SPON2: variants seen among roughly 807,000 people sequenced by gnomAD.
SPON2 encodes spondin-2.
Under a neutral mutation model 29.9 loss-of-function variants are expected in SPON2, and 32 were observed. The ratio of observed to expected loss-of-function variants is 1.07; its 90% CI spans 0.81 to 1.44. SPON2 has a LOEUF of 1.44. SPON2 is among the 40% of genes most tolerant of loss of function. SPON2 has a pLI of 0.00. For missense variants in SPON2, 541 were observed against 455.5 expected, an observed-to-expected ratio of 1.19 and a Z score of -1.71; for synonymous variants, 248 against 209.1, an observed-to-expected ratio of 1.19 and a Z score of -1.61.
chr4:1,205,573 C>G (rs553432693), intron 1 of SPON2, among the ~76,000 whole-genome samples: 2 of 102,714 alleles, frequency 1.9e-5, no homozygotes, highest in East Asian at 6.8e-4. Flanking sequence ...GAGGCCCCAT[C>G]GGAGCCGCCT....
At chr4:1,181,844 G>A (rs953574921) in intron 1 of SPON2, among the ~76,000 whole-genome samples, 3 of 152,194 alleles carry the variant, frequency 2.0e-5, no homozygotes, top group African/African-American at 7.2e-5. Context: ...AGAAGCAGGT[G>A]CCTATTGTTT....
upstream of SPON2, among the ~76,000 whole-genome samples, chr4:1,176,203 GCT>G (rs889107679): frequency 3.9e-5 from 6 of 151,956 alleles, no homozygotes; most frequent in Admixed American, 3.3e-4. Context: ...AACCCCCCTG[GCT>G]CTCAGACCCT....
At chr4:1,184,342 C>T (rs1339932669) in intron 1 of SPON2, among the ~76,000 whole-genome samples, 1 of 152,114 alleles carries the variant, frequency 6.6e-6, no homozygotes, top group Non-Finnish European at 1.5e-5. Context: ...AATACACACA[C>T]ATAATTCAGC....
chr4:1,201,516 C>A (rs1728204091), intron 1 of SPON2: 1 of 172,120 alleles, frequency 5.8e-6, no homozygotes, highest in South Asian at 1.2e-4. Flanking sequence ...GCTGCCTTCA[C>A]CCCGTCTGCA....
intron 1 of SPON2, among the ~76,000 whole-genome samples, chr4:1,188,343 G>C (rs1448169804): frequency 6.6e-6 from 1 of 152,094 alleles, no homozygotes; most frequent in African/African-American, 2.4e-5. Flanking sequence ...ATAGCAAATG[G>C]TGTGCCTAAA....
At chr4:1,200,491 G>A (rs1266045543) in intron 1 of SPON2, among the ~76,000 whole-genome samples, 1 of 152,162 alleles carries the variant, frequency 6.6e-6, no homozygotes. Flanking sequence ...GGCTCAGCGG[G>A]GGCGGGGGCG....
chr4:1,205,504 G>T (rs1392904526), intron 1 of SPON2, among the ~76,000 whole-genome samples: 2 of 152,212 alleles, frequency 1.3e-5, no homozygotes, highest in African/African-American at 4.8e-5. Flanking sequence ...GGACCCTGCA[G>T]AGGTGCTAAG....
intron 1 of SPON2, among the ~76,000 whole-genome samples, chr4:1,206,430 A>T (rs1577002895): frequency 6.6e-6 from 1 of 152,342 alleles, no homozygotes; most frequent in East Asian, 1.9e-4. Flanking sequence ...CCGGCAGCCC[A>T]GGTTGTGGGG....
At chr4:1,176,167 C>G (rs1727589317), upstream of SPON2, among the ~76,000 whole-genome samples, 1 of 152,058 alleles carries the variant, frequency 6.6e-6, no homozygotes, top group Non-Finnish European at 1.5e-5. Flanking sequence ...TCTTGTGTGA[C>G]TCCATGCTCT....
At chr4:1,176,396 C>T (rs538620403), upstream of SPON2, among the ~76,000 whole-genome samples, 2 of 152,162 alleles carry the variant, frequency 1.3e-5, no homozygotes, top group Admixed American at 1.3e-4. Flanking sequence ...CATTCATTCA[C>T]TCACACAGTA....
chr4:1,197,673 A>C (rs1728099188), upstream of SPON2, among the ~76,000 whole-genome samples: 1 of 142,050 alleles, frequency 7.0e-6, no homozygotes, highest in South Asian at 2.4e-4. Flanking sequence ...AGTAGAAAAC[A>C]AATAAGTAAA....
Position 1,183,249 on chromosome 4 carries a change from A to AAC in SPON2, c.-238-3709_-238-3708insGT, listed in dbSNP as rs1553830372. On this transcript the variant is annotated intron_variant, in intron 1 of 3. Transcript: ENST00000502483. ...AAGAGTGAAACTCCATCAAAAAAAA[A>AAC]AAAAAACAAAAAAGAAAGAGAGAGA... 5.3e-5 allele frequency among the ~76,000 whole-genome samples: 8 copies of AAC among 151,280 alleles called. 1 individual carries two copies. Among genetic ancestry groups the AAC allele is most frequent in the African/African-American group, 1.9e-4 (8 of 41,072 alleles).
At chr4:1,177,892 C>T (rs1003411437), upstream of SPON2, among the ~76,000 whole-genome samples, 8 of 152,194 alleles carry the variant, frequency 5.3e-5, no homozygotes, top group African/African-American at 1.9e-4. Context: ...AGCACCCAGA[C>T]TCCAGGATCA....
chr4:1,200,500 C>T (rs1009268139), intron 1 of SPON2: 11 of 291,292 alleles, frequency 3.8e-5, no homozygotes, highest in African/African-American at 1.1e-4. Flanking sequence ...GGGGCGGGGG[C>T]GGGCTCAGCC....
chr4:1,195,081 C>CCGGCGGTTCCAACCCCGCAGT, exon 1 of SPON2: 1 of 149,236 alleles, frequency 6.7e-6, no homozygotes, highest in Admixed American at 6.6e-5. Context: ...AACCCCGCAG[C>CCGGCGGTTCCAACCCCGCAGT]CGGCGGCTCC....
intron 1 of SPON2, among the ~76,000 whole-genome samples, chr4:1,185,379 A>G (rs1185178980): frequency 6.6e-6 from 1 of 151,666 alleles, no homozygotes; most frequent in African/African-American, 2.4e-5. Flanking sequence ...CCCGGCCAGA[A>G]TAGTCTTTTT....
rs1268536 is a variant in SPON2 at position 1,207,524 on chromosome 4, T to C, written c.-234+356A>G. Among the ~76,000 whole-genome samples the C allele has an allele frequency of 2.4e-3, 356 of 150,310 alleles. 1 individual carries two copies. The highest frequency in any genetic ancestry group is 3.9e-3 in the African/African-American group (157 of 40,676). On this transcript the variant is annotated intron_variant, in intron 1 of 3. Transcript: ENST00000509233. ...ACCCAGAAGAGCCGCTGTTTCCATGTGCCGCGCTTACACATGCTCCAGAGG... is the reference window on the plus strand; with the variant it reads ...ACCCAGAAGAGCCGCTGTTTCCATGCGCCGCGCTTACACATGCTCCAGAGG...
chr4:1,195,046 C>CTCCAACCCCACAGCCGGCGGT (rs1728026830), exon 1 of SPON2: 1 of 37,506 alleles, frequency 2.7e-5, no homozygotes. Context: ...CAGCCGGCGG[C>CTCCAACCCCACAGCCGGCGGT]TCCAACCCCG....
At position 1,179,793 on chromosome 4, in the gene SPON2, C is replaced by T. The variant is rs181424395; in HGVS notation, c.-238-252G>A. On this transcript the variant is annotated intron_variant, in intron 1 of 3. Coordinates refer to the SPON2 transcript ENST00000502483. ...TTTCCAGAAAGTCATTATTATTTGA[C>T]CTATCTGGTGGTTCCCTAGAAGACA... Among the ~76,000 whole-genome samples the T allele has an allele frequency of 2.6e-5, 4 of 152,240 alleles. No individual in the cohort carries two copies. In the East Asian group the frequency reaches 7.7e-4, roughly 29 times the overall value.
Sources: gnomAD v4.1 joint callset for allele counts (sites outside exome capture counted in the v4.1 genomes callset) on GRCh38, gnomAD v4.1.1 for gene constraint, MANE v1.5 for transcripts, NCBI Gene and HGNC (gene_info 2026-07-23, HGNC 2026-07-21) for gene names.